Variants in NBPF15 observed in about 807,000 individuals in gnomAD.
NBPF15 encodes NBPF family member NBPF15.
Under a neutral mutation model 62.2 loss-of-function variants are expected in NBPF15, and 74 were observed. The observed-to-expected ratio is 1.19, with a 90% CI of 0.99 to 1.44. The LOEUF (loss-of-function observed/expected upper bound fraction) is 1.44, where lower values mean the gene tolerates loss of function less well. Ranked by LOEUF, NBPF15 falls within the 40% of genes most tolerant of loss-of-function variation. The probability of loss-of-function intolerance (pLI) is 0.00; values close to 1 mark genes in which losing one functional copy is unlikely to be tolerated. For synonymous variants in NBPF15, 244 were observed against 209.7 expected (o/e 1.16, Z -1.41); for missense variants, 790 against 550.0 (o/e 1.44, Z -4.36).
At position 144,438,509 on chromosome 1, in the gene NBPF15, T is replaced by C. The variant is rs868965779; in HGVS notation, c.176-462A>G. 1.9e-3 allele frequency among the ~76,000 whole-genome samples: 291 copies of C among 152,136 alleles called. 2 individuals are homozygous for C. Among genetic ancestry groups the C allele is most frequent in the African/African-American group, 6.6e-3 (272 of 41,486 alleles). ...GTATGTGAAAGATTTTTAAAATCTT[T>C]GATTTTTAAATCATATCTTCAGTTA... On this transcript the variant is annotated intron_variant, in intron 8 of 21. Transcript: ENST00000581897.
intron 15 of NBPF15, 87 bp from the exon 16 acceptor site, chr1:144,428,077 A>T: frequency 2.6e-6 from 2 of 766,638 alleles, no homozygotes; most frequent in Non-Finnish European, 4.8e-6. Context: ...AACATAAGGA[A>T]GAGTTTGAAA....
Position 144,423,246 on chromosome 1 carries a change from C to G in NBPF15, c.1780G>C (p.Val594Leu). 6.2e-7 allele frequency: 1 copy of G among 1,611,386 alleles called. No homozygotes were observed. The highest frequency in any genetic ancestry group is 8.5e-7 in the Non-Finnish European group (1 of 1,179,586). ...TCAGGCTCTTCCACTTCCATCAGCA[C>G]GCCGTAGAGCCTGGAAAAGGAGACA... ...DNPPCPRLYG[V>L]LMEVEEPEVL... The change falls in exon 22 of 22, where the codon GTG becomes CTG. Residue 594 changes from valine to leucine, a missense_variant. Coordinates refer to ENST00000581897, the MANE Select transcript of NBPF15 (RefSeq NM_001385408.1).
rs1681639678 is a variant in NBPF15, at chr1:144,440,028, G to A, written c.-25C>T. The A allele has an allele frequency of 6.2e-7, 1 of 1,603,822 alleles. No individual in the cohort carries two copies. The highest frequency in any genetic ancestry group is 1.1e-5 in the South Asian group (1 of 90,812). Reference sequence around the variant, plus strand: ...TGCTGACGTTTGTGGCAGAAGAGGTGGAGTCAGGGACTGGGGAGAAGAAAC... The same window carrying A: ...TGCTGACGTTTGTGGCAGAAGAGGTAGAGTCAGGGACTGGGGAGAAGAAAC... On this transcript the variant is annotated 5_prime_UTR_variant, in exon 8 of 22. Transcript: ENST00000581897.
chr1:144,436,928 G>C lies in NBPF15; in HGVS notation c.460C>G (p.Leu154Val), dbSNP rs1232979046. 5.6e-6 allele frequency: 9 copies of C among 1,612,284 alleles called. No homozygotes were observed. The highest frequency in any genetic ancestry group is 3.3e-5 in the Admixed American group (2 of 59,974). Reference protein sequence around the residue: ...LQEQLAEGCRLTQHLVQKLSP... With the variant: ...LQEQLAEGCRVTQHLVQKLSP... ...AGCTTTTGGACAAGGTGCTGTGTCAGTCTACACCCCTCAGCCAGCTGTTCT... is the reference window on the plus strand; with the variant it reads ...AGCTTTTGGACAAGGTGCTGTGTCACTCTACACCCCTCAGCCAGCTGTTCT... The change falls in exon 10 of 22, where the codon CTG becomes GTG. Residue 154 changes from leucine to valine, a missense_variant. By Grantham distance (32) the Leu-to-Val change is conservative. Transcript: ENST00000581897.
intron 6 of NBPF15, among the ~76,000 whole-genome samples, chr1:144,442,283 G>GTA (rs1225263498): frequency 5.4e-4 from 60 of 111,434 alleles, no homozygotes; most frequent in African/African-American, 1.1e-3. Flanking sequence ...ATATACACGT[G>GTA]TATATATTAT....
At chr1:144,452,428 G>A (rs1553545746) in intron 4 of NBPF15, among the ~76,000 whole-genome samples, 4 of 151,566 alleles carry the variant, frequency 2.6e-5, no homozygotes, top group African/African-American at 9.7e-5. Context: ...ACTATATAAA[G>A]TCCCAAACAC....
intron 13 of NBPF15, among the ~76,000 whole-genome samples, chr1:144,431,532 G>T (rs1189778209): frequency 6.7e-6 from 1 of 149,672 alleles, no homozygotes; most frequent in Non-Finnish European, 1.5e-5. Context: ...TAGGGTACAT[G>T]TGCACAACGT....
At position 144,442,219 on chromosome 1, in the gene NBPF15, A is replaced by ATATATATACACGTG. The variant is rs1683879098; in HGVS notation, c.-190-1925_-190-1924insCACGTGTATATATA. On this transcript the variant is annotated intron_variant, in intron 6 of 21. Transcript: ENST00000581897. ...TGTATATATATTATTAATATATATA[A>ATATATATACACGTG]TATATATATTAATAATATATATTAT... Among the ~76,000 whole-genome samples the ATATATATACACGTG allele has an allele frequency of 5.7e-5, 6 of 105,610 alleles. 1 individual carries two copies. The highest frequency in any genetic ancestry group is 2.7e-4 in the African/African-American group (6 of 22,028). The allele number at this position is 105,610 out of a possible 152,430, so 69.3% of individuals were successfully genotyped here.
intron 18 of NBPF15, 24 bp downstream of exon 18, chr1:144,426,254 T>C (rs1669547334): frequency 1.4e-5 from 8 of 572,734 alleles, no homozygotes; most frequent in Non-Finnish European, 1.2e-5. Flanking sequence ...TGGAGGCTTA[T>C]CACCTTCACA....
intron 5 of NBPF15, among the ~76,000 whole-genome samples, chr1:144,450,312 G>GGA (rs1352904749): frequency 2.7e-5 from 4 of 146,270 alleles, no homozygotes; most frequent in African/African-American, 1.0e-4. Context: ...AGAGAAGGTG[G>GGA]GAGCTTGAGA....
At chr1:144,423,489 G>A (rs1473896611) in intron 21 of NBPF15, among the ~76,000 whole-genome samples, 2 of 151,984 alleles carry the variant, frequency 1.3e-5, no homozygotes, top group Non-Finnish European at 2.9e-5. Context: ...CAGAGAGAAA[G>A]TGAGCTAGTG....
At chr1:144,444,157 T>C (rs1315335380) in intron 6 of NBPF15, among the ~76,000 whole-genome samples, 4 of 151,482 alleles carry the variant, frequency 2.6e-5, no homozygotes, top group African/African-American at 7.3e-5. Context: ...GTTTGGGCTA[T>C]TATGAAGAAA....
intron 8 of NBPF15, among the ~76,000 whole-genome samples, chr1:144,438,426 A>G (rs1252584555): frequency 6.6e-6 from 1 of 151,914 alleles, no homozygotes; most frequent in African/African-American, 2.4e-5. Flanking sequence ...TACAGTCGGG[A>G]AGGCCCCTAG....
At chr1:144,428,547 G>T (rs1185302999) in intron 15 of NBPF15, 59 bp downstream of exon 15, 5 of 664,132 alleles carry the variant, frequency 7.5e-6, no homozygotes, top group Non-Finnish European at 1.3e-5. Flanking sequence ...TGTTTTCCCT[G>T]GACTTGGCAT....
intron 4 of NBPF15, among the ~76,000 whole-genome samples, chr1:144,456,243 G>A (rs1647656231): frequency 6.6e-6 from 1 of 151,596 alleles, no homozygotes; most frequent in Non-Finnish European, 1.5e-5. Context: ...GGGGGTAAGA[G>A]GGGAAGAGCA....
chr1:144,444,310 G>C (rs587750795), intron 6 of NBPF15, among the ~76,000 whole-genome samples: 1 of 150,652 alleles, frequency 6.6e-6, no homozygotes, highest in South Asian at 2.1e-4. Context: ...ACAAAGGCTG[G>C]AATGTAACAA....
In NBPF15 at chr1:144,439,861, G is replaced by T; in HGVS notation, c.143C>A (p.Ala48Asp). ...LKEKCFLTQL[A>D]GFLANRQKKY... is the part of the protein sequence containing the mutation. ...CTTCTGTCGGTTGGCCAGGAAGCCG[G>T]CCAGTTGAGTTAGAAAACATTTCTC... Residue 48 changes from alanine to aspartate, a missense_variant, in exon 8 of 22, where the codon GCC becomes GAC. Physicochemically the swap from Ala to Asp is moderately radical, Grantham distance 126. Transcript: ENST00000581897. 6.2e-7 allele frequency: 1 copy of T among 1,609,420 alleles called. No homozygotes were observed. The highest frequency in any genetic ancestry group is 1.1e-5 in the South Asian group (1 of 90,936).
At chr1:144,444,351 C>A (rs1304525478) in intron 6 of NBPF15, among the ~76,000 whole-genome samples, 5 of 150,880 alleles carry the variant, frequency 3.3e-5, no homozygotes, top group Admixed American at 2.0e-4. Context: ...CTAGGTTTTT[C>A]CTGGGCCTTA....
chr1:144,442,126 C>T (rs1331426409), intron 6 of NBPF15, among the ~76,000 whole-genome samples: 3 of 11,134 alleles, frequency 2.7e-4, no homozygotes, highest in Middle Eastern at 0.031. Flanking sequence ...AATATATATA[C>T]ACGTGTATAT....
Sources: gnomAD v4.1 joint callset for allele counts (sites outside exome capture counted in the v4.1 genomes callset) on GRCh38, gnomAD v4.1.1 for gene constraint, MANE v1.5 for transcripts, NCBI Gene and HGNC (gene_info 2026-07-23, HGNC 2026-07-21) for gene names.